Variants in ROBO2 observed in about 807,000 individuals in gnomAD.
ROBO2 encodes roundabout homolog 2.
ROBO2 carries 53 observed loss-of-function variants against 160.8 expected under a neutral mutation model. The ratio of observed to expected loss-of-function variants is 0.33; its 90% confidence interval spans 0.26 to 0.41. The LOEUF (loss-of-function observed/expected upper bound fraction) is 0.41. ROBO2 is among the 10% of genes least tolerant of loss of function. The pLI is 1.00. For synonymous variants in ROBO2, 664 were observed against 611.7 expected, an observed-to-expected ratio of 1.09 and a Z score of -1.26; for missense variants, 1,577 against 1,722.4, an observed-to-expected ratio of 0.92 and a Z score of 1.49.
rs560332180 is a variant in ROBO2, at chr3:76,089,811, G to A, written c.109+152209G>A. 3.0e-4 allele frequency among the ~76,000 whole-genome samples: 46 copies of A among 152,164 alleles called. No homozygotes were observed. The South Asian group carries it at 9.5e-3, about 32-fold the overall frequency. Reference sequence around the variant, plus strand: ...TCAATTCACCACTCTTTCCAAGATCGTACTGGAAGTTCGAGCTAATCAAAT... The same window carrying A: ...TCAATTCACCACTCTTTCCAAGATCATACTGGAAGTTCGAGCTAATCAAAT... On this transcript the variant is annotated intron_variant, in intron 2 of 26. Transcript: ENST00000487694.
chr3:76,134,512 A>G (rs2071353278), intron 2 of ROBO2, among the ~76,000 whole-genome samples: 1 of 152,112 alleles, frequency 6.6e-6, no homozygotes, highest in Non-Finnish European at 1.5e-5. Flanking sequence ...GGTTGACAGT[A>G]TCAGGAAAAC....
At chr3:77,375,517 T>C (rs1054945172) in intron 2 of ROBO2, among the ~76,000 whole-genome samples, 4 of 152,226 alleles carry the variant, frequency 2.6e-5, no homozygotes, top group African/African-American at 9.6e-5. Flanking sequence ...ATTTCACTTG[T>C]GTTGACTAGT....
At chr3:76,414,095 A>T (rs2075634518) in intron 2 of ROBO2, among the ~76,000 whole-genome samples, 1 of 152,050 alleles carries the variant, frequency 6.6e-6, no homozygotes, top group Non-Finnish European at 1.5e-5. Flanking sequence ...TGTGAGACTT[A>T]TTCACTATCT....
intron 2 of ROBO2, among the ~76,000 whole-genome samples, chr3:75,980,156 G>A (rs942520805): frequency 1.3e-5 from 2 of 151,378 alleles, no homozygotes; most frequent in African/African-American, 4.8e-5. Flanking sequence ...TTGCCGTCAC[G>A]GACTTCAGAT....
At chr3:76,208,970 A>G (rs1273071210) in intron 2 of ROBO2, among the ~76,000 whole-genome samples, 1 of 152,154 alleles carries the variant, frequency 6.6e-6, no homozygotes, top group African/African-American at 2.4e-5. Flanking sequence ...TCATGAAACA[A>G]ATGTGAATTT....
At chr3:76,851,592 G>A (rs555298853) in intron 2 of ROBO2, among the ~76,000 whole-genome samples, 3 of 149,972 alleles carry the variant, frequency 2.0e-5, no homozygotes, top group East Asian at 2.0e-4. Context: ...AAAATTAGCC[G>A]GGCGCGGTGG....
At chr3:77,391,889 A>T (rs1413276178) in intron 2 of ROBO2, among the ~76,000 whole-genome samples, 1 of 152,022 alleles carries the variant, frequency 6.6e-6, no homozygotes, top group Non-Finnish European at 1.5e-5. Flanking sequence ...AAAGTGATGT[A>T]CTTTAGATGG....
At chr3:76,200,266 G>C (rs1702460400) in intron 2 of ROBO2, among the ~76,000 whole-genome samples, 1 of 152,142 alleles carries the variant, frequency 6.6e-6, no homozygotes, top group Admixed American at 6.6e-5. Context: ...CCAAGAAAAA[G>C]TATGGTCAGT....
chr3:77,195,848 G>T (rs774147851), intron 2 of ROBO2, among the ~76,000 whole-genome samples: 2 of 152,106 alleles, frequency 1.3e-5, no homozygotes, highest in South Asian at 4.2e-4. Context: ...ATATTATCCC[G>T]AAAAGAACAC....
intron 23 of ROBO2, chr3:77,632,696 T>A (rs1394076714): frequency 1.3e-6 from 2 of 1,496,138 alleles, no homozygotes; most frequent in Non-Finnish European, 1.8e-6. Context: ...CATGAGAGAA[T>A]CTTGTCCTTG....
At chr3:77,556,451 T>C (rs1028538247) in intron 8 of ROBO2, among the ~76,000 whole-genome samples, 3 of 151,884 alleles carry the variant, frequency 2.0e-5, no homozygotes, top group Non-Finnish European at 2.9e-5. Context: ...GAATCTGCAA[T>C]GTCTTGATAT....
At chr3:76,752,446 AAAAG>A (rs1345005994) in intron 2 of ROBO2, among the ~76,000 whole-genome samples, 1 of 151,796 alleles carries the variant, frequency 6.6e-6, no homozygotes, top group Non-Finnish European at 1.5e-5. Context: ...ACAAAAAAAA[AAAAG>A]AAAAAAAATG....
At chr3:77,223,512 A>G (rs1249733167) in intron 2 of ROBO2, among the ~76,000 whole-genome samples, 2 of 152,098 alleles carry the variant, frequency 1.3e-5, no homozygotes, top group African/African-American at 2.4e-5. Context: ...GTAGAATATT[A>G]ACTTTCCATA....
At chr3:76,242,836 A>T (rs1705378381) in intron 2 of ROBO2, among the ~76,000 whole-genome samples, 1 of 152,152 alleles carries the variant, frequency 6.6e-6, no homozygotes, top group South Asian at 2.1e-4. Context: ...GTGACCCGTG[A>T]TAGTGCCACT....
chr3:76,977,180 C>T (rs527285289), intron 2 of ROBO2, among the ~76,000 whole-genome samples: 1 of 152,246 alleles, frequency 6.6e-6, no homozygotes, highest in South Asian at 2.1e-4. Flanking sequence ...CTGTGTGGCT[C>T]AATAATGTTG....
At chr3:77,246,885 A>C (rs2151417115) in intron 2 of ROBO2, among the ~76,000 whole-genome samples, 1 of 152,292 alleles carries the variant, frequency 6.6e-6, no homozygotes, top group Middle Eastern at 3.4e-3. Flanking sequence ...TTTCCAGGCA[A>C]GGAAACAGGA....
At chr3:76,803,292 T>C (rs1043215816) in intron 2 of ROBO2, among the ~76,000 whole-genome samples, 1 of 152,064 alleles carries the variant, frequency 6.6e-6, no homozygotes, top group Admixed American at 6.6e-5. Context: ...GAGATTCCTC[T>C]GGATAGCAAA....
intron 5 of ROBO2, among the ~76,000 whole-genome samples, chr3:77,495,373 A>C (rs938485706): frequency 1.3e-5 from 2 of 152,226 alleles, no homozygotes; most frequent in African/African-American, 4.8e-5. Context: ...CATGACAATA[A>C]AACATTTGTT....
At chr3:76,523,980 GTGTGTA>G (rs918604521) in intron 2 of ROBO2, among the ~76,000 whole-genome samples, 1 of 121,184 alleles carries the variant, frequency 8.3e-6, no homozygotes, top group Non-Finnish European at 2.0e-5. Context: ...CTGTGTGTGT[GTGTGTA>G]TGTGTGTGTG....
Sources: gnomAD v4.1 joint callset for allele counts (sites outside exome capture counted in the v4.1 genomes callset) on GRCh38, gnomAD v4.1.1 for gene constraint, MANE v1.5 for transcripts, NCBI Gene and HGNC (gene_info 2026-07-23, HGNC 2026-07-21) for gene names.